The following BANK1 variants were observed in gnomAD, a reference collection of about 807,000 sequenced individuals.
BANK1 encodes the protein B-cell scaffold protein with ankyrin repeats.
In BANK1, 95 loss-of-function variants were observed where a neutral mutation model predicts 94.5. That is an observed-to-expected ratio of 1.00 (90% CI 0.85 to 1.19). The LOEUF is 1.19. Among genes scored for constraint, BANK1 ranks in the 50% most tolerant of loss-of-function variants. The pLI is 0.00. For synonymous variants in BANK1, 334 were observed against 308.4 expected (o/e 1.08, Z -0.87); for missense variants, 987 against 932.2 (o/e 1.06, Z -0.77).
intron 7 of BANK1, among the ~76,000 whole-genome samples, chr4:102,004,182 C>A (rs1726171732): frequency 1.3e-5 from 2 of 152,044 alleles, no homozygotes. Flanking sequence ...ACTGCTATAT[C>A]CTTATTACCA....
intron 7 of BANK1, among the ~76,000 whole-genome samples, chr4:102,010,651 C>T (rs556062351): frequency 1.3e-5 from 2 of 152,214 alleles, no homozygotes; most frequent in African/African-American, 2.4e-5. Context: ...CTTTGGCCTC[C>T]CAAAGGCCTG....
chr4:101,901,485 T>A (rs990227426), intron 6 of BANK1, among the ~76,000 whole-genome samples: 1 of 152,178 alleles, frequency 6.6e-6, no homozygotes, highest in African/African-American at 2.4e-5. Flanking sequence ...ATTTTAAGCA[T>A]CTCCAGAGTT....
chr4:101,949,544 T>A (rs751321745), intron 7 of BANK1, among the ~76,000 whole-genome samples: 5 of 152,284 alleles, frequency 3.3e-5, no homozygotes, highest in Middle Eastern at 3.4e-3. Flanking sequence ...TACGTAAAGC[T>A]CTTAGTATAA....
chr4:101,876,235 C>T (rs901892345), intron 5 of BANK1, among the ~76,000 whole-genome samples: 1 of 152,184 alleles, frequency 6.6e-6, no homozygotes, highest in African/African-American at 2.4e-5. Flanking sequence ...TTGCTGGCTT[C>T]AGGTGAGACT....
chr4:101,982,631 C>T (rs931600404), intron 7 of BANK1, among the ~76,000 whole-genome samples: 2 of 151,912 alleles, frequency 1.3e-5, no homozygotes, highest in African/African-American at 2.4e-5. Flanking sequence ...CTATAACACT[C>T]ATAACATATA....
At chr4:102,072,539 T>C in intron 15 of BANK1, 139 bp downstream of exon 15, 1 of 565,190 alleles carries the variant, frequency 1.8e-6, no homozygotes, top group South Asian at 3.2e-5. Flanking sequence ...TGCCTTTGTG[T>C]GCAAAATCTA....
chr4:101,926,838 T>C (rs1302817109), intron 7 of BANK1, among the ~76,000 whole-genome samples: 2 of 151,586 alleles, frequency 1.3e-5, no homozygotes, highest in Non-Finnish European at 3.0e-5. Context: ...TAAGAGAAAA[T>C]GGCACAACAA....
chr4:101,791,014 C>A, intron 1 of BANK1, 64 bp downstream of exon 1: 2 of 1,317,364 alleles, frequency 1.5e-6, no homozygotes, highest in Non-Finnish European at 2.0e-6. Flanking sequence ...CTGCGGAGAC[C>A]ACGGGCCATC....
At chr4:102,030,386 T>G (rs1372625159) in intron 10 of BANK1, 121 bp downstream of exon 10, 1 of 1,024,460 alleles carries the variant, frequency 9.8e-7, no homozygotes, top group East Asian at 2.6e-5. Context: ...ACATTTTTTT[T>G]CAAGTCACAG....
At position 102,025,401 on chromosome 4, in the gene BANK1, C is replaced by G; in HGVS notation, c.1486C>G (p.Pro496Ala). 1 of 1,613,986 alleles carries G rather than the reference C, an allele frequency of 6.2e-7. No individual in the cohort carries two copies. The highest frequency in any genetic ancestry group is 2.2e-5 in the East Asian group (1 of 44,860). Reference sequence around the variant, plus strand: ...GTATGTGTTCATTCCTGGTGCTGATCCAGAAAATAATTCACAAGAGCCACT... The same window carrying G: ...GTATGTGTTCATTCCTGGTGCTGATGCAGAAAATAATTCACAAGAGCCACT... ...DLYVFIPGADPENNSQEPLMS... is the reference protein window; with the variant it reads ...DLYVFIPGADAENNSQEPLMS... Residue 496 changes from proline to alanine, a missense_variant, in exon 9 of 17, where the codon CCA (proline) becomes GCA (alanine). By Grantham distance (27) the Pro-to-Ala change is conservative. Coordinates refer to ENST00000322953, the MANE Select transcript of BANK1 (RefSeq NM_017935.5).
chr4:102,037,387 A>T (rs1487869560), intron 10 of BANK1, among the ~76,000 whole-genome samples: 1 of 152,230 alleles, frequency 6.6e-6, no homozygotes, highest in Non-Finnish European at 1.5e-5. Flanking sequence ...TTATTTATAG[A>T]TGAAATCACA....
rs749176468 is a variant in BANK1, at chr4:101,870,663, G to A, written c.903+19G>A. On this transcript the variant is annotated intron_variant, in intron 5 of 16. Coordinates refer to ENST00000322953, the MANE Select transcript of BANK1 (RefSeq NM_017935.5). ...GTGCCAGGTAAGTTAATCTTTCCAC[G>A]AAGTTAATCATAATGTAAGCTGAAG... is the stretch of plus-strand genomic sequence containing the variant. The A allele has an allele frequency of 1.5e-5, 24 of 1,603,752 alleles. No individual in the cohort carries two copies. The highest frequency in any genetic ancestry group is 6.7e-5 in the African/African-American group (5 of 74,436).
intron 7 of BANK1, among the ~76,000 whole-genome samples, chr4:102,009,974 T>C (rs1349260823): frequency 2.0e-5 from 3 of 152,154 alleles, no homozygotes; most frequent in Non-Finnish European, 2.9e-5. Context: ...AAGTTAAAAA[T>C]TGAAGTCTGT....
At chr4:101,961,221 C>T (rs1350505163) in intron 7 of BANK1, among the ~76,000 whole-genome samples, 1 of 152,080 alleles carries the variant, frequency 6.6e-6, no homozygotes, top group African/African-American at 2.4e-5. Flanking sequence ...CATCAGTGTA[C>T]AATATTTAAG....
At chr4:101,905,953 T>C (rs1722434108) in intron 6 of BANK1, among the ~76,000 whole-genome samples, 1 of 152,222 alleles carries the variant, frequency 6.6e-6, no homozygotes, top group Admixed American at 6.5e-5. Flanking sequence ...GAAGTGATTT[T>C]TTCCCAAGCT....
intron 7 of BANK1, among the ~76,000 whole-genome samples, chr4:101,981,102 A>G (rs1725312738): frequency 6.6e-6 from 1 of 152,098 alleles, no homozygotes; most frequent in Non-Finnish European, 1.5e-5. Context: ...TCACTGAGTG[A>G]AGTGTTATTT....
At chr4:101,899,070 G>A (rs1051274819) in intron 6 of BANK1, among the ~76,000 whole-genome samples, 5 of 151,942 alleles carry the variant, frequency 3.3e-5, no homozygotes, top group East Asian at 1.9e-4. Context: ...CAAATTTTGC[G>A]AAGCATGAAG....
chr4:102,073,638 G>A (rs1326693434), intron 15 of BANK1, 46 bp from the exon 16 acceptor site: 2 of 1,544,564 alleles, frequency 1.3e-6, no homozygotes, highest in Non-Finnish European at 1.8e-6. Flanking sequence ...CCTTAAAATA[G>A]GGACAAATCG....
chr4:101,970,920 A>G (rs1252100132), intron 7 of BANK1, among the ~76,000 whole-genome samples: 4 of 152,120 alleles, frequency 2.6e-5, no homozygotes, highest in Non-Finnish European at 5.9e-5. Flanking sequence ...TTCTAAACAT[A>G]CAGCCCCAAG....
Sources: gnomAD v4.1 joint callset for allele counts (sites outside exome capture counted in the v4.1 genomes callset) on GRCh38, gnomAD v4.1.1 for gene constraint, MANE v1.5 for transcripts, NCBI Gene and HGNC (gene_info 2026-07-23, HGNC 2026-07-21) for gene names.